FRAS1: variants seen among roughly 807,000 people sequenced by gnomAD.
FRAS1 encodes the protein Fraser extracellular matrix complex subunit 1.
FRAS1 carries 290 observed loss-of-function variants against 435.2 expected under a neutral mutation model. That is an observed-to-expected ratio of 0.67 (90% CI 0.61 to 0.73). The LOEUF (loss-of-function observed/expected upper bound fraction) is 0.73, where lower values mean the gene tolerates loss of function less well. FRAS1 is among the 30% of genes least tolerant of loss of function. The pLI, the probability that FRAS1 is intolerant of heterozygous loss-of-function variation, is 0.00. For synonymous variants in FRAS1, 1,800 were observed against 1,851.0 expected (o/e 0.97, Z 0.71); for missense variants, 4,860 against 5,001.5 (o/e 0.97, Z 0.85).
intron 25 of FRAS1, 52 bp downstream of exon 25, chr4:78,374,303 G>C: frequency 6.6e-7 from 1 of 1,505,788 alleles, no homozygotes; most frequent in Non-Finnish European, 9.1e-7. Context: ...CAGCAAGTAA[G>C]TCACATGTGC....
chr4:78,325,109 G>A (rs1051870534), intron 18 of FRAS1, among the ~76,000 whole-genome samples: 11 of 152,120 alleles, frequency 7.2e-5, no homozygotes, highest in Non-Finnish European at 1.6e-4. Flanking sequence ...TCCCATCCCT[G>A]CCTTTTCATT....
chr4:78,129,165 G>A (rs1392317233), intron 2 of FRAS1, among the ~76,000 whole-genome samples: 2 of 152,178 alleles, frequency 1.3e-5, no homozygotes, highest in Admixed American at 1.3e-4. Context: ...TAGCCTTGTA[G>A]AATAGTTTGA....
chr4:78,387,472 C>T lies in FRAS1; in HGVS notation c.3746C>T (p.Pro1249Leu). 6.2e-7 allele frequency: 1 copy of T among 1,613,732 alleles called. No individual in the cohort carries two copies. Among genetic ancestry groups the T allele is most frequent in the Non-Finnish European group, 8.5e-7 (1 of 1,179,784 alleles). ...CTTGACATCCGAGATGATGACAACC[C>T]ACAGGATGTGGTCATTGAAATAATC... Reference protein sequence around the residue: ...QMLDIRDDDNPQDVVIEIIDP... With the variant: ...QMLDIRDDDNLQDVVIEIIDP... The change falls in exon 29 of 74, where the codon CCA (proline) becomes CTA (leucine). Residue 1249 changes from proline to leucine, a missense_variant. Pro to Leu is a moderately conservative substitution (Grantham distance 98). Coordinates refer to ENST00000512123, the MANE Select transcript of FRAS1 (RefSeq NM_025074.7).
At position 78,337,819 on chromosome 4, in the gene FRAS1, T is replaced by C; in HGVS notation, c.2422+2T>C. ...TCAACCTCGTGGGATACTGTGCTGG[T>C]GAGTGAAACTCCTGTGGACTCCTCG... On this transcript the variant is annotated splice_donor_variant, in intron 20 of 73. Transcript: ENST00000512123. LOFTEE classifies it high-confidence loss of function. 1 of 1,613,852 alleles carries C rather than the reference T, an allele frequency of 6.2e-7. No homozygotes were observed. The highest frequency in any genetic ancestry group is 8.5e-7 in the Non-Finnish European group (1 of 1,179,802).
chr4:78,508,259 C>T (rs1720903813), intron 62 of FRAS1, among the ~76,000 whole-genome samples: 1 of 152,170 alleles, frequency 6.6e-6, no homozygotes, highest in African/African-American at 2.4e-5. Context: ...CTTCCGCTAA[C>T]TTGTCTCATA....
intron 2 of FRAS1, among the ~76,000 whole-genome samples, chr4:78,207,712 C>G (rs1723322737): frequency 6.6e-6 from 1 of 152,152 alleles, no homozygotes; most frequent in Admixed American, 6.5e-5. Context: ...GGTCTCGGGA[C>G]TAGAGATTGA....
At chr4:78,434,581 A>G (rs1734341958) in intron 38 of FRAS1, among the ~76,000 whole-genome samples, 1 of 152,240 alleles carries the variant, frequency 6.6e-6, no homozygotes, top group South Asian at 2.1e-4. Flanking sequence ...CTATGAGTAA[A>G]TGTAACAAAA....
chr4:78,144,891 C>G (rs749148789), intron 2 of FRAS1, among the ~76,000 whole-genome samples: 1 of 152,020 alleles, frequency 6.6e-6, no homozygotes, highest in Non-Finnish European at 1.5e-5. Flanking sequence ...GTTTTTGTGA[C>G]TTTTTTGCAA....
intron 65 of FRAS1, among the ~76,000 whole-genome samples, chr4:78,515,230 A>C (rs11727137): frequency 0.14 from 21,277 of 151,784 alleles, 1,788 homozygotes; most frequent in Non-Finnish European, 0.2. Flanking sequence ...ATCATTAGTG[A>C]CCTATTTACT....
intron 49 of FRAS1, 21 bp from the exon 50 acceptor site, chr4:78,466,187 G>A (rs1463242220): frequency 1.9e-6 from 3 of 1,606,956 alleles, no homozygotes; most frequent in Non-Finnish European, 2.6e-6. Context: ...CCTCCCCTCT[G>A]GTATTTTGCC....
intron 2 of FRAS1, among the ~76,000 whole-genome samples, chr4:78,102,679 A>G (rs1414175638): frequency 6.6e-6 from 1 of 152,214 alleles, no homozygotes; most frequent in Non-Finnish European, 1.5e-5. Flanking sequence ...GGGCTACTAT[A>G]AAGATTTTAT....
intron 2 of FRAS1, among the ~76,000 whole-genome samples, chr4:78,082,136 G>A (rs1203702630): frequency 6.6e-6 from 1 of 152,044 alleles, no homozygotes; most frequent in East Asian, 1.9e-4. Context: ...GAACTATGAC[G>A]TCCCTCTCTA....
intron 60 of FRAS1, among the ~76,000 whole-genome samples, chr4:78,498,715 A>C (rs1720583993): frequency 1.3e-5 from 2 of 152,092 alleles, no homozygotes; most frequent in South Asian, 4.2e-4. Flanking sequence ...ATGGTATAAA[A>C]GTTATCATTA....
intron 15 of FRAS1, among the ~76,000 whole-genome samples, chr4:78,315,173 C>G (rs1334772611): frequency 6.6e-6 from 1 of 152,090 alleles, no homozygotes; most frequent in Admixed American, 6.5e-5. Context: ...AATTCTCTCT[C>G]CAAGTAGGGT....
At chr4:78,420,681 A>G in intron 33 of FRAS1, among the ~76,000 whole-genome samples, 1 of 151,972 alleles carries the variant, frequency 6.6e-6, no homozygotes, top group Non-Finnish European at 1.5e-5. Flanking sequence ...ATCTTTTTAT[A>G]GCCTTACCAG....
At chr4:78,202,226 G>A (rs909351220) in intron 2 of FRAS1, among the ~76,000 whole-genome samples, 3 of 152,146 alleles carry the variant, frequency 2.0e-5, no homozygotes, top group African/African-American at 7.2e-5. Context: ...AGAAAATGGA[G>A]GTTTGGCATT....
At chr4:78,120,177 T>G (rs1299219707) in intron 2 of FRAS1, among the ~76,000 whole-genome samples, 1 of 152,222 alleles carries the variant, frequency 6.6e-6, no homozygotes, top group African/African-American at 2.4e-5. Context: ...CTGACCAACA[T>G]ATGTGCCAAG....
intron 2 of FRAS1, among the ~76,000 whole-genome samples, chr4:78,105,797 C>T (rs546309791): frequency 1.3e-5 from 2 of 151,442 alleles, no homozygotes; most frequent in South Asian, 4.2e-4. Context: ...GCGTGAGCGA[C>T]GCAGAAGACG....
Position 78,477,800 on chromosome 4 carries a change from G to A in FRAS1, c.7852-15G>A, listed in dbSNP as rs576652405. ...TGAGGCACAGCTTAACTTCTTGTTG[G>A]TTCCTTTGTGACAGGTCCAGTTTGA... On this transcript the variant is annotated splice_polypyrimidine_tract_variant and intron_variant, in intron 54 of 73. Transcript: ENST00000512123. The A allele has an allele frequency of 1.1e-5, 18 of 1,605,400 alleles. No homozygotes were observed. In the African/African-American group the frequency reaches 1.7e-4, roughly 15 times the overall value.
Sources: allele counts gnomAD v4.1 joint callset (sites outside exome capture counted in the v4.1 genomes callset), GRCh38; gene constraint gnomAD v4.1.1; transcripts MANE v1.5; gene names NCBI Gene and HGNC (gene_info 2026-07-23, HGNC 2026-07-21).